The following ATXN2 variants were observed in gnomAD, a reference collection of about 807,000 sequenced individuals.
ATXN2 encodes the protein ataxin-2.
ATXN2 carries 37 observed loss-of-function variants against 138.6 expected under a neutral mutation model. That is an observed-to-expected ratio of 0.27 (90% confidence interval 0.21 to 0.35). ATXN2 has a LOEUF of 0.35. Among genes scored for constraint, ATXN2 ranks in the 10% least tolerant of loss-of-function variants. The pLI is 1.00. For missense variants in ATXN2, 1,216 were observed against 1,480.3 expected (o/e 0.82, Z 2.93); for synonymous variants, 549 against 543.7 (o/e 1.01, Z -0.13).
chr12:111,542,877 T>A (rs1881597793), intron 5 of ATXN2, among the ~76,000 whole-genome samples: 1 of 152,178 alleles, frequency 6.6e-6, no homozygotes. Flanking sequence ...ATGCTAGAGG[T>A]TTTTATTTTT....
At position 111,516,642 on chromosome 12, in the gene ATXN2, T is replaced by C. The variant is rs914085911; in HGVS notation, c.1166-279A>G. Among the ~76,000 whole-genome samples the C allele has an allele frequency of 5.3e-5, 8 of 152,188 alleles. No homozygotes were observed. The highest frequency in any genetic ancestry group is 1.0e-4 in the Non-Finnish European group (7 of 68,030). On this transcript the variant is annotated intron_variant, in intron 9 of 24. Coordinates refer to ENST00000673436, the MANE Select transcript of ATXN2 (RefSeq NM_001372574.1). The surrounding 1 kb of genome is among the most constrained non-coding windows in gnomAD (Gnocchi z 5.0). ...ACTATTGAAGAAGACAGTTAAGACT[T>C]TGCCTATTAATCCTGCTTCTATAAC...
chr12:111,488,930 A>G, intron 14 of ATXN2, 150 bp from the exon 15 acceptor site: 2 of 714,180 alleles, frequency 2.8e-6, no homozygotes, highest in Non-Finnish European at 2.2e-6. Context: ...CTTTTACTAT[A>G]AACTAACAAT....
At chr12:111,460,124 C>G (rs1026797991) in intron 21 of ATXN2, among the ~76,000 whole-genome samples, 1 of 152,246 alleles carries the variant, frequency 6.6e-6, no homozygotes, top group African/African-American at 2.4e-5. Flanking sequence ...CTCTGTTGCC[C>G]AGGGTGGAGT....
At chr12:111,577,084 G>C (rs1172103209) in intron 1 of ATXN2, among the ~76,000 whole-genome samples, 1 of 151,892 alleles carries the variant, frequency 6.6e-6, no homozygotes, top group Non-Finnish European at 1.5e-5. Flanking sequence ...TGGGATTACA[G>C]TCGTGAGCCA....
chr12:111,532,065 T>C (rs1015439270), intron 5 of ATXN2, among the ~76,000 whole-genome samples: 4 of 152,196 alleles, frequency 2.6e-5, no homozygotes, highest in African/African-American at 9.7e-5. Flanking sequence ...ACATAATAAT[T>C]TGAAGCCTGG....
chr12:111,485,070 G>C, intron 18 of ATXN2, 195 bp downstream of exon 18: 1 of 517,456 alleles, frequency 1.9e-6, no homozygotes, highest in Non-Finnish European at 3.5e-6. Context: ...AATCACAACT[G>C]ATGGGCATTT....
chr12:111,543,213 G>A (rs777733386), intron 5 of ATXN2, among the ~76,000 whole-genome samples: 11 of 152,126 alleles, frequency 7.2e-5, no homozygotes, highest in Non-Finnish European at 4.4e-5. Flanking sequence ...CCACAGCAAA[G>A]TTGAGGCCGT....
chr12:111,454,440 G>A (rs1248922534), intron 23 of ATXN2: 1 of 154,076 alleles, frequency 6.5e-6, no homozygotes, highest in Non-Finnish European at 1.4e-5. Flanking sequence ...ATATGCTGAT[G>A]GAGCAGGAGG....
intron 18 of ATXN2, among the ~76,000 whole-genome samples, chr12:111,475,859 C>G (rs977633618): frequency 2.0e-5 from 3 of 152,024 alleles, no homozygotes; most frequent in Non-Finnish European, 1.5e-5. Flanking sequence ...AATTCAACCA[C>G]AAAAAGACAC....
intron 1 of ATXN2, among the ~76,000 whole-genome samples, chr12:111,568,480 C>G (rs1381353466): frequency 6.6e-6 from 1 of 152,048 alleles, no homozygotes; most frequent in African/African-American, 2.4e-5. Context: ...TTTATATAAT[C>G]AAAATATTTC....
intron 1 of ATXN2, among the ~76,000 whole-genome samples, chr12:111,575,645 C>T (rs1883597018): frequency 6.6e-6 from 1 of 152,118 alleles, no homozygotes. Context: ...AGAGAGACCT[C>T]ATCTGGCTTA....
At chr12:111,521,923 G>C (rs1880179360) in intron 6 of ATXN2, among the ~76,000 whole-genome samples, 1 of 152,078 alleles carries the variant, frequency 6.6e-6, no homozygotes, top group South Asian at 2.1e-4. Flanking sequence ...ATTACTGCCT[G>C]GATAATTATT....
chr12:111,567,630 A>G (rs556354645), intron 1 of ATXN2, among the ~76,000 whole-genome samples: 23 of 152,172 alleles, frequency 1.5e-4, no homozygotes, highest in African/African-American at 5.5e-4. Context: ...CCTGGCCAAT[A>G]TGGTGAAACC....
chr12:111,530,926 G>C (rs1217400235), intron 5 of ATXN2, among the ~76,000 whole-genome samples: 1 of 151,824 alleles, frequency 6.6e-6, no homozygotes, highest in Non-Finnish European at 1.5e-5. Context: ...CGGAGTTCGA[G>C]ACCAGCCTGA....
In ATXN2 at chr12:111,490,847, C is replaced by T. The variant is rs184351190; in HGVS notation, c.1936-2067G>A. ...ATGACTGTGGGATTTTGCATTGAAA[C>T]TCAGTGCTGCCCTGTCACAGTGGAA... is the stretch of plus-strand genomic sequence containing the variant. On this transcript the variant is annotated intron_variant, in intron 14 of 24. Coordinates refer to ENST00000673436, the MANE Select transcript of ATXN2 (RefSeq NM_001372574.1). 9.2e-5 allele frequency among the ~76,000 whole-genome samples: 14 copies of T among 152,174 alleles called. No homozygotes were observed. In the East Asian group the frequency reaches 2.7e-3, roughly 29 times the overall value.
intron 1 of ATXN2, among the ~76,000 whole-genome samples, chr12:111,574,304 T>C (rs1210198520): frequency 8.9e-5 from 9 of 101,512 alleles, no homozygotes; most frequent in African/African-American, 3.8e-4. Context: ...CAAGACTCTG[T>C]CTCCAAAAAA....
rs58116265 is a variant in ATXN2 at position 111,588,991 on chromosome 12, C to CAAAAAAAAAAAAA, written c.251+9780_251+9792dup. Among the ~76,000 whole-genome samples, 16 of 38,708 alleles carry CAAAAAAAAAAAAA rather than the reference C, an allele frequency of 4.1e-4. 2 individuals carry two copies. Among genetic ancestry groups the CAAAAAAAAAAAAA allele is most frequent in the East Asian group, 1.9e-3 (1 of 534 alleles). 25.4% of individuals were successfully genotyped at this position (38,708 alleles called of 152,430 possible). On this transcript the variant is annotated intron_variant, in intron 1 of 24. Transcript: ENST00000673436. ...GCCTGGGCGACAGAGCGAGATTTCT[C>CAAAAAAAAAAAAA]AAAAAAAAAAAAAAAAAAAAAAAAA...
chr12:111,496,719 C>T (rs1257513670), intron 14 of ATXN2, among the ~76,000 whole-genome samples: 1 of 151,830 alleles, frequency 6.6e-6, no homozygotes, highest in Non-Finnish European at 1.5e-5. Flanking sequence ...CTTATCAAAA[C>T]CTATAGGATA....
At chr12:111,518,191 T>A in intron 9 of ATXN2, 58 bp downstream of exon 9, 2 of 1,403,830 alleles carry the variant, frequency 1.4e-6, no homozygotes, top group South Asian at 1.5e-5. Flanking sequence ...TTAAGTATTT[T>A]AAGTATTTAG....
Sources: allele counts gnomAD v4.1 joint callset (sites outside exome capture counted in the v4.1 genomes callset), GRCh38; gene constraint gnomAD v4.1.1; non-coding constraint Gnocchi (gnomAD v3.1); transcripts MANE v1.5; gene names NCBI Gene and HGNC (gene_info 2026-07-23, HGNC 2026-07-21).